BLZF1: variants seen among roughly 807,000 people sequenced by gnomAD.
BLZF1 encodes the protein basic leucine zipper nuclear factor 1, also known as golgin-45.
BLZF1 carries 39 observed loss-of-function variants against 43.8 expected under a neutral mutation model. That is an observed-to-expected ratio of 0.89 (90% CI 0.69 to 1.16). The LOEUF (loss-of-function observed/expected upper bound fraction) is 1.16, where lower values mean the gene tolerates loss of function less well. BLZF1 is among the 50% of genes most tolerant of loss of function. The probability of loss-of-function intolerance (pLI) is 0.00; values close to 1 mark genes in which losing one functional copy is unlikely to be tolerated. For synonymous variants in BLZF1, 136 were observed against 159.4 expected, an observed-to-expected ratio of 0.85 and a Z score of 1.11; for missense variants, 449 against 469.8, an observed-to-expected ratio of 0.96 and a Z score of 0.41.
Position 169,378,366 on chromosome 1 carries a change from G to C in BLZF1, c.505G>C (p.Val169Leu), listed in dbSNP as rs773152144. The C allele has an allele frequency of 6.2e-7, 1 of 1,612,822 alleles. No individual in the cohort carries two copies. Among genetic ancestry groups the C allele is most frequent in the Non-Finnish European group, 8.5e-7 (1 of 1,179,064 alleles). Residue 169 changes from valine to leucine, a missense_variant, in exon 4 of 7, where the codon GTT (valine) becomes CTT (leucine). Transcript: ENST00000367808. ...RELKKLLVASVGDDLQYHFER... is the reference protein window; with the variant it reads ...RELKKLLVASLGDDLQYHFER... The stretch of plus-strand genomic sequence containing the variant: ...GTTAAAAAAGTTACTGGTGGCTTCT[G>C]TTGGGGATGATCTTCAGTATCACTT...
chr1:169,380,588 A>G lies in BLZF1; in HGVS notation c.776A>G (p.Gln259Arg). 6.2e-7 allele frequency: 1 copy of G among 1,612,736 alleles called. No individual in the cohort carries two copies. Among genetic ancestry groups the G allele is most frequent in the South Asian group, 1.1e-5 (1 of 91,002 alleles). Residue 259 changes from glutamine (Q) to arginine (R), a missense_variant, in exon 5 of 7, where the codon CAA becomes CGA. Physicochemically the swap from Gln to Arg is conservative, Grantham distance 43. Transcript: ENST00000367808. The stretch of plus-strand genomic sequence containing the variant: ...CTAAGTGAACGGGAACAGTTTCGTC[A>G]AGAAATGATAGCTACCCAGAAGTAT... ...DLLSEREQFRQEMIATQKLLE... is the reference protein window; with the variant it reads ...DLLSEREQFRREMIATQKLLE...
At chr1:169,368,635 A>G (rs978717727) in intron 1 of BLZF1, among the ~76,000 whole-genome samples, 1 of 152,218 alleles carries the variant, frequency 6.6e-6, no homozygotes, top group Non-Finnish European at 1.5e-5. Context: ...TTCGCAGAGC[A>G]GCTATCAAGG....
chr1:169,370,926 T>C (rs994040460), intron 2 of BLZF1, among the ~76,000 whole-genome samples: 1 of 152,196 alleles, frequency 6.6e-6, no homozygotes, highest in South Asian at 2.1e-4. Flanking sequence ...CATAGTGAAC[T>C]TCTCCTGACC....
intron 7 of BLZF1, among the ~76,000 whole-genome samples, chr1:169,393,472 C>T (rs559996425): frequency 4.3e-4 from 65 of 151,606 alleles, no homozygotes; most frequent in Non-Finnish European, 8.4e-4. Context: ...TGCCTGTAAT[C>T]CCAGCTACTC....
chr1:169,371,458 T>A (rs938274105), intron 2 of BLZF1, among the ~76,000 whole-genome samples: 2 of 152,236 alleles, frequency 1.3e-5, no homozygotes, highest in Non-Finnish European at 2.9e-5. Context: ...AGGAAAATAA[T>A]TCTATTAGCC....
intron 6 of BLZF1, among the ~76,000 whole-genome samples, chr1:169,383,990 A>T (rs1654600041): frequency 6.6e-6 from 1 of 151,906 alleles, no homozygotes; most frequent in South Asian, 2.1e-4. Context: ...CTTTTTTCTG[A>T]GTCTGAGAGA....
chr1:169,382,659 T>C (rs1033448814), intron 6 of BLZF1, among the ~76,000 whole-genome samples: 6 of 152,188 alleles, frequency 3.9e-5, no homozygotes, highest in African/African-American at 9.7e-5. Context: ...TTTCCACATA[T>C]AGATGGAAAT....
intron 2 of BLZF1, among the ~76,000 whole-genome samples, chr1:169,371,013 C>G (rs1557845208): frequency 6.6e-6 from 1 of 152,008 alleles, no homozygotes; most frequent in Non-Finnish European, 1.5e-5. Context: ...TTCTAGATGC[C>G]AATTTTTCAG....
intron 2 of BLZF1, among the ~76,000 whole-genome samples, chr1:169,375,393 C>CATATATATATAAAACATATAT (rs1654276102): frequency 2.3e-5 from 2 of 85,836 alleles, no homozygotes; most frequent in Non-Finnish European, 4.6e-5. Flanking sequence ...ATATATAAAA[C>CATATATATATAAAACATATAT]ATATATATAT....
intron 6 of BLZF1, among the ~76,000 whole-genome samples, chr1:169,385,505 T>C (rs1654640850): frequency 1.3e-5 from 2 of 152,196 alleles, no homozygotes; most frequent in Non-Finnish European, 2.9e-5. Flanking sequence ...TGGGTCAGTC[T>C]CCTGCTCCTG....
chr1:169,395,087 G>A (rs1369322629), intron 7 of BLZF1: 2 of 1,611,444 alleles, frequency 1.2e-6, no homozygotes, highest in Admixed American at 3.4e-5. Flanking sequence ...TTTGGCTTCT[G>A]ACATATATAG....
chr1:169,390,462 G>A (rs113426518), downstream of BLZF1, among the ~76,000 whole-genome samples: 2 of 152,098 alleles, frequency 1.3e-5, no homozygotes, highest in South Asian at 2.1e-4. Context: ...AATAAAACAG[G>A]TAAAACTAAA....
At chr1:169,378,571 C>T in intron 4 of BLZF1, 42 bp downstream of exon 4, 2 of 1,589,592 alleles carry the variant, frequency 1.3e-6, no homozygotes, top group Non-Finnish European at 1.7e-6. Flanking sequence ...CTAGTTTTTG[C>T]TCCATCAGGT....
chr1:169,382,338 G>A lies in BLZF1; in HGVS notation c.1017+57G>A. 7 of 1,473,498 alleles carry A rather than the reference G, an allele frequency of 4.8e-6. No individual in the cohort carries two copies. In the South Asian group the frequency reaches 8.6e-5, roughly 18 times the overall value. The allele number at this position is 1,473,498 out of a possible 1,614,324, so 91.3% of individuals were successfully genotyped here. On this transcript the variant is annotated intron_variant, in intron 6 of 6. Coordinates refer to ENST00000367808, the MANE Select transcript of BLZF1 (RefSeq NM_001320973.2). ...TTCTAACACTGTCCTTTTACTGAAA[G>A]GTGACATATCATGGAAAGCATTTGG... is the stretch of plus-strand genomic sequence containing the variant.
chr1:169,387,090 A>G lies in BLZF1; in HGVS notation c.1111A>G (p.Lys371Glu). The G allele has an allele frequency of 6.2e-7, 1 of 1,613,710 alleles. No homozygotes were observed. Reference sequence around the variant, plus strand: ...ACCAACCACCTTACTTGCTACAAAGAAAAATATTGGACGATTTCATCCCTA... The same window carrying G: ...ACCAACCACCTTACTTGCTACAAAGGAAAATATTGGACGATTTCATCCCTA... ...SSPTTLLATK[K>E]NIGRFHPYTR... The change falls in exon 7 of 7, where the codon AAA (lysine) becomes GAA (glutamate). Residue 371 changes from lysine to glutamate, a missense_variant. Transcript: ENST00000367808.
intron 3 of BLZF1, among the ~76,000 whole-genome samples, chr1:169,377,610 T>A (rs1439673472): frequency 2.6e-5 from 4 of 152,170 alleles, no homozygotes; most frequent in African/African-American, 9.6e-5. Flanking sequence ...TACAAATTTA[T>A]GTGTAAAAAT....
chr1:169,389,664 G>A (rs150044858), downstream of BLZF1, among the ~76,000 whole-genome samples: 63 of 152,324 alleles, frequency 4.1e-4, no homozygotes, highest in African/African-American at 1.4e-3. Flanking sequence ...AGTGTTCACA[G>A]CTGCATTATT....
In BLZF1 at chr1:169,376,588, C is replaced by G; in HGVS notation, c.77C>G (p.Thr26Ser). 1 of 1,611,452 alleles carries G rather than the reference C, an allele frequency of 6.2e-7. No homozygotes were observed. The highest frequency in any genetic ancestry group is 1.1e-5 in the South Asian group (1 of 90,530). The change falls in exon 3 of 7, where the codon ACT (threonine) becomes AGT (serine). Residue 26 changes from threonine (T) to serine (S), a missense_variant. Thr to Ser is a moderately conservative substitution (Grantham distance 58, BLOSUM62 1). Transcript: ENST00000367808. ...CGAGGAGCAGGAGATGGAATGGAAACTGAGGAACCACCTAAATCTGTTGAA... is the reference window on the plus strand; with the variant it reads ...CGAGGAGCAGGAGATGGAATGGAAAGTGAGGAACCACCTAAATCTGTTGAA... ...PIRGAGDGME[T>S]EEPPKSVEVT...
intron 6 of BLZF1, among the ~76,000 whole-genome samples, chr1:169,386,332 G>A (rs933866629): frequency 2.6e-5 from 4 of 152,168 alleles, no homozygotes; most frequent in Non-Finnish European, 4.4e-5. Context: ...ATTCTGAGCA[G>A]TTGAATGAAA....
Sources: allele counts gnomAD v4.1 joint callset (sites outside exome capture counted in the v4.1 genomes callset), GRCh38; gene constraint gnomAD v4.1.1; transcripts MANE v1.5; gene names NCBI Gene and HGNC (gene_info 2026-07-23, HGNC 2026-07-21).